Variants in RORA observed in about 807,000 individuals in gnomAD.
The protein encoded by RORA is RAR related orphan receptor A, also known as nuclear receptor ROR-alpha.
RORA carries 7 observed loss-of-function variants against 69.5 expected under a neutral mutation model. The observed-to-expected ratio is 0.10, with a 90% confidence interval of 0.06 to 0.19. The LOEUF is 0.19. Among genes scored for constraint, RORA ranks in the 10% least tolerant of loss-of-function variants. The pLI is 1.00. For synonymous variants in RORA, 261 were observed against 240.8 expected, an observed-to-expected ratio of 1.08 and a Z score of -0.78; for missense variants, 457 against 663.0, an observed-to-expected ratio of 0.69 and a Z score of 3.41.
intron 1 of RORA, among the ~76,000 whole-genome samples, chr15:60,724,252 T>C (rs896167745): frequency 7.2e-5 from 11 of 152,234 alleles, no homozygotes; most frequent in African/African-American, 2.4e-4. Flanking sequence ...TAATTCTTAT[T>C]ATCACAGGTA....
chr15:60,644,893 C>T (rs1230325285), intron 2 of RORA, among the ~76,000 whole-genome samples: 1 of 152,126 alleles, frequency 6.6e-6, no homozygotes, highest in Non-Finnish European at 1.5e-5. Context: ...ATGAAGGTGG[C>T]TAAGCCTTCT....
rs1307167420 is a variant in RORA at position 60,953,907 on chromosome 15, A to G, written c.166+275146T>C. On this transcript the variant is annotated intron_variant, in intron 1 of 10. Coordinates refer to ENST00000335670, the MANE Select transcript of RORA (RefSeq NM_134261.3). ...GGCGATTCCTCAGGGATCTAGAACT[A>G]GAAATACCATTTGACCCAGCCATCC... Among the ~76,000 whole-genome samples, 842 of 150,544 alleles carry G rather than the reference A, an allele frequency of 5.6e-3. 6 individuals carry two copies. The highest frequency in any genetic ancestry group is 0.019 in the African/African-American group (801 of 41,078).
intron 1 of RORA, among the ~76,000 whole-genome samples, chr15:61,099,790 G>T (rs1366830398): frequency 6.6e-6 from 1 of 152,160 alleles, no homozygotes; most frequent in Non-Finnish European, 1.5e-5. Flanking sequence ...GCCAGAACTG[G>T]TTTATCATGA....
chr15:60,501,109 ATTGT>A, intron 8 of RORA, 40 bp from the exon 9 acceptor site: 1 of 1,285,616 alleles, frequency 7.8e-7, no homozygotes, highest in Non-Finnish European at 1.1e-6. Flanking sequence ...AATTTTGATT[ATTGT>A]CTTAGGAGAA....
chr15:61,170,990 C>T (rs114197630), intron 1 of RORA, among the ~76,000 whole-genome samples: 126 of 152,286 alleles, frequency 8.3e-4, no homozygotes, highest in African/African-American at 2.8e-3. Flanking sequence ...TTACAGGTGA[C>T]GACAGTAAGA....
chr15:60,913,047 C>T (rs1439589150), intron 1 of RORA, among the ~76,000 whole-genome samples: 3 of 152,200 alleles, frequency 2.0e-5, no homozygotes, highest in Admixed American at 6.5e-5. Context: ...AAAGGTATCA[C>T]TGCTTGCCCA....
chr15:60,781,251 T>C (rs2072249090), intron 1 of RORA, among the ~76,000 whole-genome samples: 1 of 152,210 alleles, frequency 6.6e-6, no homozygotes, highest in South Asian at 2.1e-4. Flanking sequence ...AACTCATCTC[T>C]GGTGCCCGCA....
chr15:61,067,691 C>T (rs2078283249), intron 1 of RORA, among the ~76,000 whole-genome samples: 1 of 152,200 alleles, frequency 6.6e-6, no homozygotes, highest in Admixed American at 6.5e-5. Context: ...CACTGGTGTT[C>T]TCATCCGGTA....
chr15:61,009,482 GA>G (rs1330116540), intron 1 of RORA, among the ~76,000 whole-genome samples: 1 of 152,156 alleles, frequency 6.6e-6, no homozygotes, highest in Non-Finnish European at 1.5e-5. Flanking sequence ...ATACAGGAAA[GA>G]AAATCTGGCA....
At chr15:60,656,338 C>T (rs984137049) in intron 2 of RORA, among the ~76,000 whole-genome samples, 4 of 152,100 alleles carry the variant, frequency 2.6e-5, no homozygotes, top group Admixed American at 1.3e-4. Flanking sequence ...AATGGTACAG[C>T]GAGTTTGGAG....
intron 5 of RORA, among the ~76,000 whole-genome samples, chr15:60,508,117 T>C (rs966572394): frequency 6.6e-6 from 1 of 152,214 alleles, no homozygotes; most frequent in Non-Finnish European, 1.5e-5. Context: ...AAGGCGAGTA[T>C]GGTCAGGCTG....
intron 1 of RORA, among the ~76,000 whole-genome samples, chr15:60,815,619 G>A (rs937621636): frequency 1.3e-5 from 2 of 151,814 alleles, no homozygotes; most frequent in African/African-American, 2.4e-5. Context: ...AGAGCCAGGT[G>A]CTGAAATCAC....
intron 2 of RORA, among the ~76,000 whole-genome samples, chr15:60,637,921 A>G (rs1026805608): frequency 2.0e-5 from 3 of 152,140 alleles, no homozygotes; most frequent in African/African-American, 4.8e-5. Flanking sequence ...ATTATTGGAG[A>G]AAGAGAATCT....
rs574829086 is a variant in RORA, at chr15:60,998,644, C to T, written c.166+230409G>A. On this transcript the variant is annotated intron_variant, in intron 1 of 10. Coordinates refer to ENST00000335670, the MANE Select transcript of RORA (RefSeq NM_134261.3). ...GAACTCCTGACCTCAGGTGATCTGCCGGCCTCAGTCTCCCAAAGTGCTGGG... is the reference window on the plus strand; with the variant it reads ...GAACTCCTGACCTCAGGTGATCTGCTGGCCTCAGTCTCCCAAAGTGCTGGG... Among the ~76,000 whole-genome samples the T allele has an allele frequency of 4.3e-3, 656 of 152,282 alleles. 6 individuals carry two copies. Among genetic ancestry groups the T allele is most frequent in the African/African-American group, 0.015 (621 of 41,546 alleles).
intron 2 of RORA, among the ~76,000 whole-genome samples, chr15:60,597,616 A>ATG (rs2068722380): frequency 1.9e-5 from 1 of 52,052 alleles, no homozygotes; most frequent in Non-Finnish European, 3.3e-5. Context: ...ATATATATAT[A>ATG]TACATACATA....
At chr15:61,184,956 G>C (rs1051055167) in intron 1 of RORA, among the ~76,000 whole-genome samples, 4 of 143,076 alleles carry the variant, frequency 2.8e-5, no homozygotes, top group African/African-American at 1.0e-4. Context: ...CTGCACTCCA[G>C]CCTGGGCAAA....
intron 1 of RORA, among the ~76,000 whole-genome samples, chr15:61,092,248 T>C (rs932394368): frequency 6.6e-6 from 1 of 152,182 alleles, no homozygotes; most frequent in Non-Finnish European, 1.5e-5. Flanking sequence ...TAAGCAAATA[T>C]GAAACTCACT....
chr15:60,777,939 G>T (rs2072196885), intron 1 of RORA, among the ~76,000 whole-genome samples: 1 of 152,206 alleles, frequency 6.6e-6, no homozygotes, highest in African/African-American at 2.4e-5. Context: ...GGATCTCTTT[G>T]CTCTCTTGCA....
At chr15:61,020,919 T>C (rs185664100) in intron 1 of RORA, among the ~76,000 whole-genome samples, 258 of 152,338 alleles carry the variant, frequency 1.7e-3, no homozygotes, top group African/African-American at 6.0e-3. Flanking sequence ...ATGAATTCAA[T>C]TGTATCAGAA....
Sources: allele counts gnomAD v4.1 joint callset (sites outside exome capture counted in the v4.1 genomes callset), GRCh38; gene constraint gnomAD v4.1.1; transcripts MANE v1.5; gene names NCBI Gene and HGNC (gene_info 2026-07-23, HGNC 2026-07-21).